PRRC2A: variants seen among roughly 807,000 people sequenced by gnomAD.
PRRC2A encodes the protein protein PRRC2A.
In PRRC2A, 59 loss-of-function variants were observed where a neutral mutation model predicts 224.6. The ratio of observed to expected loss-of-function variants is 0.26; its 90% CI spans 0.21 to 0.33. The LOEUF (loss-of-function observed/expected upper bound fraction) is 0.33. PRRC2A is among the 10% of genes least tolerant of loss of function. The pLI is 1.00. For synonymous variants in PRRC2A, 1,194 were observed against 1,109.5 expected (o/e 1.08, Z -1.51); for missense variants, 3,095 against 2,880.7 (o/e 1.07, Z -1.70).
At position 31,635,622 on chromosome 6, in the gene PRRC2A, C is replaced by G; in HGVS notation, c.5414C>G (p.Ala1805Gly). Reference sequence around the variant, plus strand: ...CGAGACTGGGAGCTGCTTCCCAGTGCTGCTGCCTCTGCTGAGCCACAATCC... The same window carrying G: ...CGAGACTGGGAGCTGCTTCCCAGTGGTGCTGCCTCTGCTGAGCCACAATCC... ...VSRDWELLPS[A>G]AASAEPQSKN... Residue 1805 changes from alanine to glycine, a missense_variant, in exon 24 of 31, where the codon GCT (alanine) becomes GGT (glycine). Around this residue, in one of 8 missense-constraint regions of PRRC2A, gnomAD observed 662 missense variants for 609.5 expected, o/e 1.09. Coordinates refer to ENST00000376033, the MANE Select transcript of PRRC2A (RefSeq NM_004638.4). The G allele has an allele frequency of 1.2e-6, 2 of 1,612,510 alleles. No homozygotes were observed. The highest frequency in any genetic ancestry group is 3.3e-4 in the Middle Eastern group (2 of 6,058).
At chr6:31,630,310 C>A (rs1256034055) in intron 14 of PRRC2A, among the ~76,000 whole-genome samples, 1 of 140,926 alleles carries the variant, frequency 7.1e-6, no homozygotes, top group South Asian at 2.2e-4. Flanking sequence ...AGCGAAACTC[C>A]GTCTCAAAAA....
chr6:31,624,671 T>C, intron 5 of PRRC2A, 149 bp downstream of exon 5: 1 of 889,372 alleles, frequency 1.1e-6, no homozygotes, highest in Non-Finnish European at 1.8e-6. Context: ...TGAGCAAGTT[T>C]AAGTCTCAGT....
Position 31,628,087 on chromosome 6 carries a change from C to T in PRRC2A, c.1613C>T (p.Ser538Leu). 1 of 1,613,116 alleles carries T rather than the reference C, an allele frequency of 6.2e-7. No homozygotes were observed. Among genetic ancestry groups the T allele is most frequent in the Non-Finnish European group, 8.5e-7 (1 of 1,179,956 alleles). The part of the protein sequence containing the change: ...LPAPPAPPPA[S>L]APTPETEPEE... ...GCACCTCCAGCTCCACCTCCAGCATCAGCCCCAACACCAGAGACAGAACCT... is the reference window on the plus strand; with the variant it reads ...GCACCTCCAGCTCCACCTCCAGCATTAGCCCCAACACCAGAGACAGAACCT... The change falls in exon 12 of 31, where the codon TCA (serine) becomes TTA (leucine). Residue 538 changes from serine to leucine, a missense_variant. Ser to Leu is a moderately radical substitution (Grantham distance 145). Coordinates refer to ENST00000376033, the MANE Select transcript of PRRC2A (RefSeq NM_004638.4).
In PRRC2A at chr6:31,636,574, G is replaced by A; in HGVS notation, c.5900G>A (p.Ser1967Asn). 6.2e-7 allele frequency: 1 copy of A among 1,607,700 alleles called. No homozygotes were observed. Among genetic ancestry groups the A allele is most frequent in the African/African-American group, 1.3e-5 (1 of 74,676 alleles). ...ACTCCTCTGCAGCCTGGTGGCCAAA[G>A]TGGCTTTCTCCCTTCAGGGGCTCCT... ...YSTPLQPGGQ[S>N]GFLPSGAPAQ... is the part of the protein sequence containing the mutation. Residue 1967 changes from serine to asparagine, a missense_variant, in exon 27 of 31, where the codon AGT becomes AAT. Coordinates refer to ENST00000376033, the MANE Select transcript of PRRC2A (RefSeq NM_004638.4). This position sits in a 1 kb window ranked among gnomAD's most constrained non-coding sequence, Gnocchi z 4.3.
In PRRC2A at chr6:31,629,168, A is replaced by C. The variant is rs541656157; in HGVS notation, c.1790A>C (p.Glu597Ala). The C allele has an allele frequency of 6.2e-7, 1 of 1,614,042 alleles. No individual in the cohort carries two copies. Among genetic ancestry groups the C allele is most frequent in the South Asian group, 1.1e-5 (1 of 91,082 alleles). ...SPVEPQLPSK[E>A]GPEPPEEVPP... ...GTGGAACCACAACTGCCCTCAAAAG[A>C]GGGTCCTGAACCACCAGAAGAGGTT... Residue 597 changes from glutamate (E) to alanine (A), a missense_variant, in exon 13 of 31, where the codon GAG becomes GCG. Transcript: ENST00000376033.
intron 3 of PRRC2A, 21 bp downstream of exon 3, chr6:31,623,930 C>G: frequency 4.3e-6 from 7 of 1,611,336 alleles, no homozygotes; most frequent in Non-Finnish European, 5.9e-6. Context: ...GCTTGGGGGA[C>G]CTAGAGTGAT....
chr6:31,632,408 T>A lies in PRRC2A; in HGVS notation c.3735T>A (p.His1245Gln), dbSNP rs750921993. 1.2e-6 allele frequency: 2 copies of A among 1,609,530 alleles called. No individual in the cohort carries two copies. The highest frequency in any genetic ancestry group is 1.1e-5 in the South Asian group (1 of 90,906). The change falls in exon 16 of 31, where the codon CAT becomes CAA. Residue 1245 changes from histidine to glutamine, a missense_variant. By Grantham distance (24) the His-to-Gln change is conservative. Coordinates refer to ENST00000376033, the MANE Select transcript of PRRC2A (RefSeq NM_004638.4). ...EDGERPRRRRHGRAQQQDKPP... is the reference protein window; with the variant it reads ...EDGERPRRRRQGRAQQQDKPP... ...GGGAGCGACCCCGAAGGAGGCGACA[T>A]GGGAGGGCTCAGCAGCAGGATAAAC...
chr6:31,635,089 C>A, intron 21 of PRRC2A, 43 bp from the exon 22 acceptor site: 2 of 1,603,254 alleles, frequency 1.2e-6, no homozygotes, highest in Non-Finnish European at 1.7e-6. Context: ...ATTTGGATTT[C>A]CCTTTCCCTC....
chr6:31,634,593 CTT>C (rs762534367), intron 20 of PRRC2A, 36 bp downstream of exon 20: 2 of 1,603,786 alleles, frequency 1.2e-6, no homozygotes, highest in South Asian at 1.1e-5. Flanking sequence ...TGAGCTGGGA[CTT>C]TTTTGAGCAC....
In PRRC2A at chr6:31,632,331, C is replaced by T. The variant is rs886364490; in HGVS notation, c.3658C>T (p.Pro1220Ser). Residue 1220 changes from proline to serine, a missense_variant, in exon 16 of 31, where the codon CCT becomes TCT. Transcript: ENST00000376033. ...GAAGTTGATCCCAGGGCCTCTGTCC[C>T]CTGTGGCGCGCGGAGGCAGCAATGG... ...KEKLIPGPLSPVARGGSNGGS... is the reference protein window; with the variant it reads ...KEKLIPGPLSSVARGGSNGGS... The T allele has an allele frequency of 5.0e-6, 8 of 1,613,342 alleles. No homozygotes were observed. Among genetic ancestry groups the T allele is most frequent in the Non-Finnish European group, 5.1e-6 (6 of 1,180,026 alleles).
intron 15 of PRRC2A, 43 bp downstream of exon 15, chr6:31,630,844 G>C: frequency 1.9e-6 from 3 of 1,599,592 alleles, no homozygotes; most frequent in South Asian, 2.2e-5. Context: ...ACAGTGAAAG[G>C]ATCTAGGCCT....
Position 31,624,246 on chromosome 6 carries a change from A to G in PRRC2A, c.291-15A>G. ...CATCTCAGGTGTGAATAACCTTCCC[A>G]TTCTGTCCCCTCAGTTCCGATGCCT... On this transcript the variant is annotated splice_polypyrimidine_tract_variant and intron_variant, in intron 3 of 30. Transcript: ENST00000376033. The G allele has an allele frequency of 1.9e-6, 3 of 1,611,430 alleles. No individual in the cohort carries two copies. The highest frequency in any genetic ancestry group is 1.7e-6 in the Non-Finnish European group (2 of 1,178,558).
At position 31,631,969 on chromosome 6, in the gene PRRC2A, A is replaced by T; in HGVS notation, c.3296A>T (p.Lys1099Met). The change falls in exon 16 of 31, where the codon AAG becomes ATG. Residue 1099 changes from lysine (K) to methionine (M), a missense_variant. Transcript: ENST00000376033. The surrounding 1 kb of genome is among the most constrained non-coding windows in gnomAD (Gnocchi z 4.5). ...GGTTCAGAGTATGAGGAAATCCCCA[A>T]GCGGCGCCGGCAGCGGGGCTCAGAA... ...SEGSEYEEIP[K>M]RRRQRGSETG... 6.2e-7 allele frequency: 1 copy of T among 1,612,722 alleles called. No homozygotes were observed. The highest frequency in any genetic ancestry group is 8.5e-7 in the Non-Finnish European group (1 of 1,179,836).
intron 15 of PRRC2A, 29 bp downstream of exon 15, chr6:31,630,830 G>T: frequency 6.2e-7 from 1 of 1,609,448 alleles, no homozygotes; most frequent in Non-Finnish European, 8.5e-7. Flanking sequence ...AAATGGGTGA[G>T]TTCACAGTGA....
chr6:31,632,921 T>C lies in PRRC2A; in HGVS notation c.4248T>C (p.Gly1416=), dbSNP rs772366600. 5 of 1,611,992 alleles carry C rather than the reference T, an allele frequency of 3.1e-6. No homozygotes were observed. In the South Asian group the frequency reaches 3.3e-5, roughly 11 times the overall value. Reference sequence around the variant, plus strand: ...GTGGCAGCAGCAGTGGAGGAGGCGGTGGGGGTCCTGGAGGAAGGACCGGGC... The same window carrying C: ...GTGGCAGCAGCAGTGGAGGAGGCGGCGGGGGTCCTGGAGGAAGGACCGGGC... ...GSSGSSSGGG[G]GGPGGRTGPG... The change falls in exon 16 of 31, where the codon GGT becomes GGC. Residue 1416 remains glycine (G), a synonymous_variant. Transcript: ENST00000376033.
Position 31,634,482 on chromosome 6 carries a change from A to G in PRRC2A, c.4860A>G (p.Arg1620=). 1 of 1,612,950 alleles carries G rather than the reference A, an allele frequency of 6.2e-7. No individual in the cohort carries two copies. Among genetic ancestry groups the G allele is most frequent in the Non-Finnish European group, 8.5e-7 (1 of 1,179,994 alleles). ...IWNRLHTATS[R]KSYRPSSMEP... The stretch of plus-strand genomic sequence containing the variant: ...TGCTCCCTTCTCCAGCCACTAGCCG[A>G]AAGAGTTACCGGCCCAGCTCCATGG... Residue 1620 remains arginine (R), a synonymous_variant, in exon 20 of 31, where the codon CGA becomes CGG. Coordinates refer to ENST00000376033, the MANE Select transcript of PRRC2A (RefSeq NM_004638.4).
intron 2 of PRRC2A, 178 bp downstream of exon 2, chr6:31,623,079 T>C (rs1443305239): frequency 3.9e-6 from 3 of 765,124 alleles, no homozygotes; most frequent in Non-Finnish European, 7.2e-6. Context: ...ACACCAGTTA[T>C]CCTCCTACAA....
At chr6:31,626,375 AG>A (rs1243722825) in intron 9 of PRRC2A, among the ~76,000 whole-genome samples, 19 of 151,858 alleles carry the variant, frequency 1.3e-4, no homozygotes, top group African/African-American at 4.6e-4. Context: ...CAACACAGCA[AG>A]ACCCCCCACC....
Position 31,626,966 on chromosome 6 carries a change from G to A in PRRC2A, c.1074-16G>A, listed in dbSNP as rs749478386. The A allele has an allele frequency of 1.9e-6, 3 of 1,614,160 alleles. No homozygotes were observed. The highest frequency in any genetic ancestry group is 2.5e-6 in the Non-Finnish European group (3 of 1,179,996). ...AGTTGCAGCTGATTTTAATTTCACT[G>A]TTGATCTGCTCACAGCAGGGATTCC... On this transcript the variant is annotated splice_polypyrimidine_tract_variant and intron_variant, in intron 10 of 30. Transcript: ENST00000376033.
Sources: gnomAD v4.1 joint callset for allele counts (sites outside exome capture counted in the v4.1 genomes callset) on GRCh38, gnomAD v4.1.1 for gene constraint, gnomAD v4.1.1 regional missense constraint, Gnocchi (gnomAD v3.1) non-coding constraint, MANE v1.5 for transcripts, NCBI Gene and HGNC (gene_info 2026-07-23, HGNC 2026-07-21) for gene names.